The following MACROD2 variants were observed in gnomAD, a reference collection of about 807,000 sequenced individuals.
MACROD2 encodes the protein mono-ADP ribosylhydrolase 2.
MACROD2 carries 36 observed loss-of-function variants against 70.4 expected under a neutral mutation model. That is an observed-to-expected ratio of 0.51 (90% CI 0.39 to 0.68). MACROD2 has a LOEUF of 0.68. Among genes scored for constraint, MACROD2 ranks in the 30% least tolerant of loss-of-function variants. MACROD2 has a pLI of 0.00. For synonymous variants in MACROD2, 172 were observed against 178.8 expected (o/e 0.96, Z 0.30); for missense variants, 496 against 538.4 (o/e 0.92, Z 0.78).
intron 4 of MACROD2, among the ~76,000 whole-genome samples, chr20:14,544,255 G>A (rs6135174): frequency 0.4 from 60,617 of 150,456 alleles, 12,764 homozygotes; most frequent in East Asian, 0.65. Flanking sequence ...TAGAAAATAG[G>A]GTAGGGCTCA....
At chr20:15,491,838 G>T (rs1328463737) in intron 7 of MACROD2, among the ~76,000 whole-genome samples, 1 of 152,210 alleles carries the variant, frequency 6.6e-6, no homozygotes, top group Non-Finnish European at 1.5e-5. Flanking sequence ...CAGCTTGCAA[G>T]GACACAGCAT....
At chr20:14,962,799 C>T (rs2122771387) in intron 5 of MACROD2, among the ~76,000 whole-genome samples, 1 of 151,980 alleles carries the variant, frequency 6.6e-6, no homozygotes, top group African/African-American at 2.4e-5. Context: ...CGTCTGTCCA[C>T]TTTCCTCTCT....
rs35840462 is a variant in MACROD2 at position 15,426,201 on chromosome 20, T to TAA, written c.541-5187_541-5186dup. Among the ~76,000 whole-genome samples, 13 of 94,742 alleles carry TAA rather than the reference T, an allele frequency of 1.4e-4. No individual in the cohort carries two copies. In the South Asian group the frequency reaches 1.8e-3, roughly 13 times the overall value. The allele number at this position is 94,742 out of a possible 152,430, so 62.2% of individuals were successfully genotyped here. A position where few individuals can be genotyped will look rare whatever the true frequency, so the allele number is the denominator to read the frequency against. ...GCGAGAAACACCCAAGAATGATCAATAAAAAAAAAAAAAAAAAAGGATTTC... is the reference window on the plus strand; with the variant it reads ...GCGAGAAACACCCAAGAATGATCAATAAAAAAAAAAAAAAAAAAAAGGATTTC... On this transcript the variant is annotated intron_variant, in intron 6 of 17. Coordinates refer to ENST00000684519, the MANE Select transcript of MACROD2 (RefSeq NM_001351661.2).
intron 5 of MACROD2, among the ~76,000 whole-genome samples, chr20:15,028,157 C>A (rs2075248005): frequency 6.6e-6 from 1 of 152,216 alleles, no homozygotes; most frequent in Non-Finnish European, 1.5e-5. Flanking sequence ...GGAGGGAAGA[C>A]CAGTGGAAGA....
At chr20:14,159,099 G>A (rs140333639) in intron 3 of MACROD2, among the ~76,000 whole-genome samples, 1 of 152,150 alleles carries the variant, frequency 6.6e-6, no homozygotes, top group African/African-American at 2.4e-5. Context: ...CTAGCTGGGT[G>A]TGGTGATGGG....
At chr20:14,152,866 G>C (rs1487370351) in intron 3 of MACROD2, among the ~76,000 whole-genome samples, 6 of 152,078 alleles carry the variant, frequency 3.9e-5, no homozygotes, top group Non-Finnish European at 5.9e-5. Context: ...ATCATAATGT[G>C]ATCATTTTTA....
At chr20:15,034,322 G>C (rs186366978) in intron 5 of MACROD2, among the ~76,000 whole-genome samples, 1 of 152,112 alleles carries the variant, frequency 6.6e-6, no homozygotes, top group African/African-American at 2.4e-5. Context: ...TAGTAATGAG[G>C]TTACCAAGGT....
chr20:14,690,449 G>T (rs2071050202), intron 5 of MACROD2, among the ~76,000 whole-genome samples: 1 of 152,194 alleles, frequency 6.6e-6, no homozygotes, highest in Non-Finnish European at 1.5e-5. Context: ...AGCTTAAAAT[G>T]TACTGTTGAT....
At chr20:14,799,100 T>C (rs1043034937) in intron 5 of MACROD2, among the ~76,000 whole-genome samples, 12 of 152,048 alleles carry the variant, frequency 7.9e-5, no homozygotes, top group Admixed American at 3.9e-4. Context: ...AAGTAAATCG[T>C]TAGAGAAGGG....
chr20:14,462,201 T>C (rs2084380869), intron 3 of MACROD2, among the ~76,000 whole-genome samples: 1 of 152,060 alleles, frequency 6.6e-6, no homozygotes, highest in Admixed American at 6.5e-5. Context: ...ACCTGTTGTT[T>C]CTTGACTTTT....
chr20:15,668,837 G>T (rs969071747), intron 8 of MACROD2, among the ~76,000 whole-genome samples: 1 of 152,152 alleles, frequency 6.6e-6, no homozygotes, highest in African/African-American at 2.4e-5. Context: ...CTCCAGTAGG[G>T]TTAGCAAAAT....
intron 6 of MACROD2, among the ~76,000 whole-genome samples, chr20:15,356,408 C>A (rs967766325): frequency 7.9e-5 from 12 of 152,070 alleles, no homozygotes; most frequent in Admixed American, 7.9e-4. Flanking sequence ...TCAAATCTCT[C>A]CAGTATAAAA....
intron 6 of MACROD2, among the ~76,000 whole-genome samples, chr20:15,428,391 T>C (rs1169180660): frequency 6.6e-6 from 1 of 152,176 alleles, no homozygotes; most frequent in East Asian, 1.9e-4. Context: ...TTGACTATTT[T>C]GAGTCAAAGG....
intron 4 of MACROD2, among the ~76,000 whole-genome samples, chr20:14,557,786 A>T (rs948731497): frequency 2.0e-5 from 3 of 151,838 alleles, no homozygotes; most frequent in African/African-American, 4.8e-5. Flanking sequence ...GGATTGTAAG[A>T]TGGTGCAGTC....
chr20:15,488,636 ATCACTAGC>A (rs1386299481), intron 7 of MACROD2, among the ~76,000 whole-genome samples: 2 of 152,194 alleles, frequency 1.3e-5, no homozygotes, highest in Non-Finnish European at 2.9e-5. Flanking sequence ...GTTTGGAAAG[ATCACTAGC>A]TACCAGGACT....
At chr20:15,256,565 A>C (rs17297763) in intron 6 of MACROD2, among the ~76,000 whole-genome samples, 20,515 of 151,996 alleles carry the variant, frequency 0.13, 1,582 homozygotes, top group Middle Eastern at 0.19. Flanking sequence ...TAACTATCGA[A>C]CTGGAAAAAG....
intron 4 of MACROD2, among the ~76,000 whole-genome samples, chr20:14,542,140 A>G (rs1251914711): frequency 6.6e-6 from 1 of 152,158 alleles, no homozygotes; most frequent in Non-Finnish European, 1.5e-5. Flanking sequence ...AGTTAGCTGG[A>G]GCTGAATGTG....
At chr20:14,732,098 A>G (rs2071605660) in intron 5 of MACROD2, among the ~76,000 whole-genome samples, 1 of 152,210 alleles carries the variant, frequency 6.6e-6, no homozygotes, top group African/African-American at 2.4e-5. Flanking sequence ...TTCTGCAAAC[A>G]AAAAGTTTGA....
chr20:14,931,941 G>T (rs1568883347), intron 5 of MACROD2, among the ~76,000 whole-genome samples: 2 of 150,940 alleles, frequency 1.3e-5, no homozygotes, highest in Non-Finnish European at 2.9e-5. Context: ...GTTCGAGACT[G>T]CAGTGAGCTA....
Sources: allele counts gnomAD v4.1 joint callset (sites outside exome capture counted in the v4.1 genomes callset), GRCh38; gene constraint gnomAD v4.1.1; transcripts MANE v1.5; gene names NCBI Gene and HGNC (gene_info 2026-07-23, HGNC 2026-07-21).